Variants in ADGRB1 observed in about 807,000 individuals in gnomAD.
The protein encoded by ADGRB1 is adhesion G protein-coupled receptor B1, also known as brain-specific angiogenesis inhibitor 1.
ADGRB1 carries 36 observed loss-of-function variants against 175.7 expected under a neutral mutation model. The observed-to-expected ratio is 0.20, with a 90% CI of 0.16 to 0.27. The LOEUF is 0.27. ADGRB1 is among the 10% of genes least tolerant of loss of function. ADGRB1 has a pLI of 1.00. For missense variants in ADGRB1, 1,731 were observed against 2,255.3 expected (o/e 0.77, Z 4.71); for synonymous variants, 1,054 against 979.4 (o/e 1.08, Z -1.42).
intron 13 of ADGRB1, among the ~76,000 whole-genome samples, chr8:142,486,206 C>T (rs1841661213): frequency 6.6e-6 from 1 of 152,222 alleles, no homozygotes; most frequent in African/African-American, 2.4e-5. Flanking sequence ...CCCACCCCTA[C>T]ATCCCTCCCT....
At chr8:142,487,384 C>T (rs910871255) in intron 13 of ADGRB1, among the ~76,000 whole-genome samples, 1 of 152,302 alleles carries the variant, frequency 6.6e-6, no homozygotes, top group East Asian at 1.9e-4. Flanking sequence ...GATGGTCCCT[C>T]CTGCCCCTCC....
chr8:142,459,220 G>A lies in ADGRB1; in HGVS notation c.-219-4760G>A, dbSNP rs534834673. Among the ~76,000 whole-genome samples, 12 of 152,342 alleles carry A rather than the reference G, an allele frequency of 7.9e-5. No individual in the cohort carries two copies. The East Asian group carries it at 2.3e-3, about 29-fold the overall frequency. On this transcript the variant is annotated intron_variant, in intron 1 of 30. Transcript: ENST00000517894. ...GATGAGGCTGGAAAAGCCTGCTGGG[G>A]AAATCAAGGCATCTGACGGAGAAGC...
intron 7 of ADGRB1, 41 bp downstream of exon 7, chr8:142,478,401 A>T (rs1306236166): frequency 6.5e-7 from 1 of 1,540,478 alleles, no homozygotes; most frequent in Admixed American, 1.9e-5. Flanking sequence ...GCACCTAACA[A>T]GCAGGAGCCT....
At chr8:142,530,558 C>T (rs1732745170) in intron 24 of ADGRB1, among the ~76,000 whole-genome samples, 1 of 152,184 alleles carries the variant, frequency 6.6e-6, no homozygotes, top group Non-Finnish European at 1.5e-5. Context: ...GAGCTCTGGG[C>T]CCTGGCACTG....
rs762697420 is a variant in ADGRB1, at chr8:142,488,449, C to T, written c.2394C>T (p.Ala798=). 16 of 1,613,004 alleles carry T rather than the reference C, an allele frequency of 9.9e-6. No individual in the cohort carries two copies. The Admixed American group carries it at 1.2e-4, about 12-fold the overall frequency. The change falls in exon 14 of 31, where the codon GCC becomes GCT. Residue 798 remains alanine, a synonymous_variant. Transcript: ENST00000517894. The stretch of plus-strand genomic sequence containing the variant: ...GCTGGCGGGCCACGGGTGACTGGGC[C>T]AAGGTGCCAGAGGACAGGGTCACTG... ...MKGWRATGDW[A]KVPEDRVTVS...
chr8:142,479,232 TG>T, intron 7 of ADGRB1, 90 bp from the exon 8 acceptor site: 1 of 1,351,534 alleles, frequency 7.4e-7, no homozygotes, highest in Non-Finnish European at 9.5e-7. Context: ...TGGCTCTGTG[TG>T]GGTCCCTGTC....
intron 27 of ADGRB1, among the ~76,000 whole-genome samples, chr8:142,541,658 G>T (rs963024936): frequency 6.6e-5 from 10 of 152,210 alleles, no homozygotes; most frequent in Non-Finnish European, 1.3e-4. Flanking sequence ...GGGGAGGGCA[G>T]TGTGTGGGTG....
intron 5 of ADGRB1, 36 bp from the exon 6 acceptor site, chr8:142,477,349 C>CCG (rs771813947): frequency 2.8e-6 from 4 of 1,440,036 alleles, no homozygotes; most frequent in Non-Finnish European, 3.8e-6. Flanking sequence ...GGGGCGGTGG[C>CCG]CGCAGTGGGC....
At chr8:142,526,186 G>A (rs1445131124) in intron 23 of ADGRB1, among the ~76,000 whole-genome samples, 1 of 152,198 alleles carries the variant, frequency 6.6e-6, no homozygotes, top group African/African-American at 2.4e-5. Context: ...CAGGAGGAGT[G>A]TGACCCCAGG....
intron 17 of ADGRB1, among the ~76,000 whole-genome samples, chr8:142,494,726 C>T (rs527998327): frequency 9.5e-4 from 144 of 151,650 alleles, no homozygotes; most frequent in Non-Finnish European, 1.5e-3. Context: ...ACCCCAACCT[C>T]CCAGGCCCAA....
In ADGRB1 at chr8:142,522,843, T is replaced by C. The variant is rs1587407523; in HGVS notation, c.3245+133T>C. On this transcript the variant is annotated intron_variant, in intron 22 of 30. Coordinates refer to ENST00000517894, the MANE Select transcript of ADGRB1 (RefSeq NM_001702.3). ...TCATCTCACAGAGGCTCAGGGAGGG[T>C]GGGGCCCCAGGGGCTGGAGGCTGAG... 43 of 1,106,900 alleles carry C rather than the reference T, an allele frequency of 3.9e-5. 1 individual carries two copies. The highest frequency in any genetic ancestry group is 5.0e-5 in the Non-Finnish European group (42 of 838,296). 68.6% of individuals were successfully genotyped at this position (1,106,900 alleles called of 1,614,324 possible). A position where few individuals can be genotyped will look rare whatever the true frequency, so the allele number is the denominator to read the frequency against.
intron 17 of ADGRB1, among the ~76,000 whole-genome samples, chr8:142,499,442 A>T (rs1184302280): frequency 6.6e-6 from 1 of 151,768 alleles, no homozygotes; most frequent in Non-Finnish European, 1.5e-5. Flanking sequence ...GGGGCCGGAG[A>T]CTTGGGGTAC....
rs1563699369 is a variant in ADGRB1 at position 142,483,160 on chromosome 8, G to GCTGAGCCCTGACCCTGGTCACACA, written c.2131-794_2131-793insACTGAGCCCTGACCCTGGTCACAC. On this transcript the variant is annotated intron_variant, in intron 11 of 30. Coordinates refer to ENST00000517894, the MANE Select transcript of ADGRB1 (RefSeq NM_001702.3). ...TGCTGAACCCTGATCCTGGTCACACGCTGAGCCCTGACCCTGGTCACACTG... is the reference window on the plus strand; with the variant it reads ...TGCTGAACCCTGATCCTGGTCACACGCTGAGCCCTGACCCTGGTCACACACTGAGCCCTGACCCTGGTCACACTG... Among the ~76,000 whole-genome samples, 12 of 115,770 alleles carry GCTGAGCCCTGACCCTGGTCACACA rather than the reference G, an allele frequency of 1.0e-4. 1 individual carries two copies. The highest frequency in any genetic ancestry group is 1.4e-4 in the Non-Finnish European group (8 of 57,906). 75.9% of individuals were successfully genotyped at this position (115,770 alleles called of 152,430 possible). A position where few individuals can be genotyped will look rare whatever the true frequency, so the allele number is the denominator to read the frequency against.
rs1845252882 is a variant in ADGRB1 at position 142,541,215 on chromosome 8, G to A, written c.3707-726G>A. ...CCCTCTGTCAGGGGCAGGCGGCTGG[G>A]TCAGAGTCAGCTTGGGGTTCTCCGC... On this transcript the variant is annotated intron_variant, in intron 27 of 30. Transcript: ENST00000517894. Among the ~76,000 whole-genome samples, 3 of 152,202 alleles carry A rather than the reference G, an allele frequency of 2.0e-5. No individual in the cohort carries two copies. The South Asian group carries it at 6.2e-4, about 32-fold the overall frequency.
chr8:142,471,714 T>C (rs1181520905), intron 2 of ADGRB1, among the ~76,000 whole-genome samples: 1 of 152,218 alleles, frequency 6.6e-6, no homozygotes, highest in Non-Finnish European at 1.5e-5. Context: ...TGCCGGATGG[T>C]GGACTTGGCT....
chr8:142,452,773 C>A (rs1270563209), intron 1 of ADGRB1, among the ~76,000 whole-genome samples: 1 of 151,960 alleles, frequency 6.6e-6, no homozygotes, highest in Admixed American at 6.5e-5. Context: ...CGCCCCCGGT[C>A]GGCCCGACCC....
intron 17 of ADGRB1, among the ~76,000 whole-genome samples, chr8:142,506,048 C>T (rs1842836405): frequency 6.6e-6 from 1 of 152,238 alleles, no homozygotes; most frequent in African/African-American, 2.4e-5. Context: ...GTGGGACTGT[C>T]ATGCACCAGA....
At chr8:142,531,757 C>A (rs1844634878) in intron 24 of ADGRB1, among the ~76,000 whole-genome samples, 1 of 152,134 alleles carries the variant, frequency 6.6e-6, no homozygotes, top group African/African-American at 2.4e-5. Flanking sequence ...CAGATCCCTG[C>A]CGGACAGCAT....
intron 23 of ADGRB1, among the ~76,000 whole-genome samples, chr8:142,526,184 G>A (rs1844172454): frequency 6.6e-6 from 1 of 152,180 alleles, no homozygotes; most frequent in Admixed American, 6.5e-5. Context: ...GCCAGGAGGA[G>A]TGTGACCCCA....
Sources: allele counts gnomAD v4.1 joint callset (sites outside exome capture counted in the v4.1 genomes callset), GRCh38; gene constraint gnomAD v4.1.1; transcripts MANE v1.5; gene names NCBI Gene and HGNC (gene_info 2026-07-23, HGNC 2026-07-21).